COL4A2: variants seen among roughly 807,000 people sequenced by gnomAD.
The protein encoded by COL4A2 is collagen alpha-2(IV) chain.
A neutral mutation model predicts 200.2 loss-of-function variants in COL4A2; 99 were observed. The ratio of observed to expected loss-of-function variants is 0.49; its 90% CI spans 0.42 to 0.58. The LOEUF (loss-of-function observed/expected upper bound fraction) is 0.58, where lower values mean the gene tolerates loss of function less well. Ranked by LOEUF, COL4A2 falls within the 20% of genes least tolerant of loss-of-function variation. The pLI is 0.00. For synonymous variants in COL4A2, 897 were observed against 900.6 expected (o/e 1.00, Z 0.07); for missense variants, 1,950 against 2,314.1 (o/e 0.84, Z 3.23).
intron 4 of COL4A2, among the ~76,000 whole-genome samples, chr13:110,399,813 G>A (rs1879309464): frequency 6.6e-6 from 1 of 152,154 alleles, no homozygotes; most frequent in African/African-American, 2.4e-5. Context: ...GCTTCTTTTA[G>A]GGGAAAACAT....
rs59339985 is a variant in COL4A2 at position 110,506,745 on chromosome 13, G to A, written c.4594+139G>A. ...ACGGAAGGGTCCATCTACATTCCTCGAGTGCAGAAAGATTAAAACGGCCTT... is the reference window on the plus strand; with the variant it reads ...ACGGAAGGGTCCATCTACATTCCTCAAGTGCAGAAAGATTAAAACGGCCTT... On this transcript the variant is annotated intron_variant, in intron 46 of 47. Transcript: ENST00000360467. The A allele has an allele frequency of 5.6e-4, 518 of 932,372 alleles. 6 individuals are homozygous for A. In the African/African-American group the frequency reaches 7.1e-3, roughly 13 times the overall value. 57.8% of individuals were successfully genotyped at this position (932,372 alleles called of 1,614,324 possible).
At chr13:110,439,525 G>A (rs985371377) in intron 15 of COL4A2, among the ~76,000 whole-genome samples, 1 of 152,176 alleles carries the variant, frequency 6.6e-6, no homozygotes, top group African/African-American at 2.4e-5. Context: ...GATTAGGATG[G>A]ATTCTGCTTT....
intron 4 of COL4A2, among the ~76,000 whole-genome samples, chr13:110,364,670 T>C (rs1302035093): frequency 6.6e-6 from 1 of 152,208 alleles, no homozygotes; most frequent in African/African-American, 2.4e-5. Context: ...TTGGTCTTAC[T>C]TTCATGAAAC....
chr13:110,487,297 T>C (rs1594103657), intron 34 of COL4A2, among the ~76,000 whole-genome samples: 1 of 152,210 alleles, frequency 6.6e-6, no homozygotes, highest in East Asian at 1.9e-4. Flanking sequence ...ACCAAAAATA[T>C]AAAAAATTAA....
rs372631674 is a variant in COL4A2, at chr13:110,503,250, G to A, written c.4007G>A (p.Arg1336Lys). 2.5e-5 allele frequency: 41 copies of A among 1,609,474 alleles called. No homozygotes were observed. Among genetic ancestry groups the A allele is most frequent in the Non-Finnish European group, 3.3e-5 (39 of 1,178,572 alleles). ...GWAGDSGPQG[R>K]PGVFGLPGEK... Reference sequence around the variant, plus strand: ...GCCGGGGACTCCGGGCCCCAGGGCAGGCCTGGTGTGTTTGGTCTCCCAGGA... The same window carrying A: ...GCCGGGGACTCCGGGCCCCAGGGCAAGCCTGGTGTGTTTGGTCTCCCAGGA... The change falls in exon 42 of 48, where the codon AGG becomes AAG. Residue 1336 changes from arginine to lysine, a missense_variant. Physicochemically the swap from Arg to Lys is conservative, Grantham distance 26. Transcript: ENST00000360467.
At chr13:110,318,218 A>G (rs1224269256) in intron 3 of COL4A2, among the ~76,000 whole-genome samples, 2 of 152,212 alleles carry the variant, frequency 1.3e-5, no homozygotes, top group African/African-American at 4.8e-5. Flanking sequence ...GCTGCTAGGA[A>G]TAATTCACTC....
At chr13:110,338,585 C>T (rs1455494818) in intron 3 of COL4A2, among the ~76,000 whole-genome samples, 1 of 152,182 alleles carries the variant, frequency 6.6e-6, no homozygotes, top group Non-Finnish European at 1.5e-5. Flanking sequence ...TGCCGAGAAG[C>T]TAAACCTGGG....
chr13:110,438,395 C>T (rs1295768776), intron 14 of COL4A2, among the ~76,000 whole-genome samples: 13 of 152,254 alleles, frequency 8.5e-5, no homozygotes, highest in African/African-American at 1.4e-4. Context: ...TCGCTTACCA[C>T]GTGACATGAC....
At chr13:110,483,526 A>G (rs974522312) in intron 32 of COL4A2, among the ~76,000 whole-genome samples, 1 of 152,268 alleles carries the variant, frequency 6.6e-6, no homozygotes, top group Non-Finnish European at 1.5e-5. Context: ...GATGAGTAAA[A>G]TATGGCAGAG....
chr13:110,365,788 A>G (rs1380641113), intron 4 of COL4A2, among the ~76,000 whole-genome samples: 1 of 152,222 alleles, frequency 6.6e-6, no homozygotes, highest in Admixed American at 6.5e-5. Context: ...TAGAAAATAC[A>G]TATTTGAGCG....
At chr13:110,398,733 G>T (rs1468429195) in intron 4 of COL4A2, among the ~76,000 whole-genome samples, 1 of 151,960 alleles carries the variant, frequency 6.6e-6, no homozygotes, top group Non-Finnish European at 1.5e-5. Context: ...GGGAAAGAAA[G>T]GAAGAAAGAA....
chr13:110,357,654 A>G (rs563357993), intron 4 of COL4A2, 102 bp downstream of exon 4: 1 of 1,496,988 alleles, frequency 6.7e-7, no homozygotes, highest in South Asian at 1.3e-5. Flanking sequence ...GGGCAGTTTC[A>G]TCATTGCTTG....
chr13:110,450,609 G>A (rs1881504810), intron 20 of COL4A2, among the ~76,000 whole-genome samples, 155 bp downstream of exon 20: 2 of 152,190 alleles, frequency 1.3e-5, no homozygotes, highest in Non-Finnish European at 2.9e-5. Context: ...AGATTAGGGT[G>A]TAGTGGGTGC....
intron 4 of COL4A2, among the ~76,000 whole-genome samples, chr13:110,401,711 T>G (rs1879376151): frequency 6.6e-6 from 1 of 152,228 alleles, no homozygotes; most frequent in South Asian, 2.1e-4. Context: ...GTTACTGTCT[T>G]AGTCCACTTG....
intron 3 of COL4A2, among the ~76,000 whole-genome samples, chr13:110,332,477 C>G (rs1297808850): frequency 6.6e-6 from 1 of 152,198 alleles, no homozygotes; most frequent in Admixed American, 6.5e-5. Flanking sequence ...AGTTCGTTCT[C>G]CTGTCGCAAT....
At chr13:110,373,102 T>C (rs1019413133) in intron 4 of COL4A2, among the ~76,000 whole-genome samples, 11 of 152,228 alleles carry the variant, frequency 7.2e-5, no homozygotes, top group Admixed American at 2.6e-4. Context: ...CATAATGATT[T>C]AGTTGTAAGT....
intron 6 of COL4A2, among the ~76,000 whole-genome samples, chr13:110,426,005 G>A (rs549359502): frequency 6.6e-6 from 1 of 152,282 alleles, no homozygotes; most frequent in Non-Finnish European, 1.5e-5. Context: ...TGAATGGTAG[G>A]CTCAAACAGG....
intron 4 of COL4A2, among the ~76,000 whole-genome samples, chr13:110,402,901 C>T (rs745512311): frequency 2.0e-5 from 3 of 152,224 alleles, no homozygotes; most frequent in Admixed American, 6.5e-5. Flanking sequence ...GTGGAGGTCA[C>T]GAAGGCTTCC....
chr13:110,317,700 G>A lies in COL4A2; in HGVS notation c.99+9577G>A, dbSNP rs559833844. Among the ~76,000 whole-genome samples the A allele has an allele frequency of 7.2e-5, 11 of 152,242 alleles. No homozygotes were observed. In the South Asian group the frequency reaches 1.9e-3, roughly 26 times the overall value. Reference sequence around the variant, plus strand: ...AGTCCTGCAGACACAACCCCCAACCGGCCCTCTCCAAGTCTGGCTTGAAAC... The same window carrying A: ...AGTCCTGCAGACACAACCCCCAACCAGCCCTCTCCAAGTCTGGCTTGAAAC... On this transcript the variant is annotated intron_variant, in intron 3 of 47. Transcript: ENST00000360467.
Sources: allele counts gnomAD v4.1 joint callset (sites outside exome capture counted in the v4.1 genomes callset), GRCh38; gene constraint gnomAD v4.1.1; transcripts MANE v1.5; gene names NCBI Gene and HGNC (gene_info 2026-07-23, HGNC 2026-07-21).